The following POC1B variants were observed in gnomAD, a reference collection of about 807,000 sequenced individuals.
The protein encoded by POC1B is POC1 centriolar protein B, also known as POC1 centriolar protein homolog B.
POC1B carries 44 observed loss-of-function variants against 60.6 expected under a neutral mutation model. The ratio of observed to expected loss-of-function variants is 0.73; its 90% confidence interval spans 0.57 to 0.93. The LOEUF is 0.93. Ranked by LOEUF, POC1B falls within the 40% of genes least tolerant of loss-of-function variation. The pLI is 0.00. For synonymous variants in POC1B, 180 were observed against 198.9 expected (o/e 0.90, Z 0.80); for missense variants, 555 against 572.3 (o/e 0.97, Z 0.31).
chr12:89,418,382 C>G (rs1301919542), downstream of POC1B, among the ~76,000 whole-genome samples: 2 of 152,142 alleles, frequency 1.3e-5, no homozygotes, highest in African/African-American at 4.8e-5. Context: ...GCCTTTTACT[C>G]TGGAATGGGA....
chr12:89,462,432 C>T (rs1164528955), intron 9 of POC1B, among the ~76,000 whole-genome samples: 1 of 152,026 alleles, frequency 6.6e-6, no homozygotes, highest in African/African-American at 2.4e-5. Context: ...CCTGTATGAC[C>T]TCAAAGGTAC....
At chr12:89,471,942 A>G (rs1209204271) in intron 5 of POC1B, among the ~76,000 whole-genome samples, 1 of 151,800 alleles carries the variant, frequency 6.6e-6, no homozygotes, top group Non-Finnish European at 1.5e-5. Context: ...TAATTTTTGT[A>G]TTTTTAGTGG....
intron 2 of POC1B, among the ~76,000 whole-genome samples, chr12:89,503,133 C>T (rs1214760579): frequency 6.7e-6 from 1 of 149,312 alleles, no homozygotes; most frequent in African/African-American, 2.4e-5. Context: ...TCTCCCTCTC[C>T]CTCTCTTTCC....
chr12:89,402,396 CA>C, the POC1B span, among the ~76,000 whole-genome samples: 2 of 151,490 alleles, frequency 1.3e-5, no homozygotes. Context: ...TTTTTAGGTT[CA>C]GGGGTACATG....
Position 89,474,211 on chromosome 12 carries a change from GA to G in POC1B, c.453-1937del, listed in dbSNP as rs796375407. ...ACAGAGTAAGACTCTGTCTCAAAAG[GA>G]AAAAAAAAAAACCTGTAAAAAACTA... On this transcript the variant is annotated intron_variant, in intron 4 of 11. Coordinates refer to ENST00000313546, the MANE Select transcript of POC1B (RefSeq NM_172240.3). 2.0e-3 allele frequency among the ~76,000 whole-genome samples: 280 copies of G among 138,936 alleles called. 1 individual carries two copies. Among genetic ancestry groups the G allele is most frequent in the African/African-American group, 5.7e-3 (216 of 38,156 alleles). 91.1% of individuals were successfully genotyped at this position (138,936 alleles called of 152,430 possible).
chr12:89,464,483 G>GTTTTTTTTTTT (rs766668019), intron 9 of POC1B, among the ~76,000 whole-genome samples: 7 of 94,722 alleles, frequency 7.4e-5, no homozygotes, highest in Non-Finnish European at 9.6e-5. Context: ...TTTTATAAGA[G>GTTTTTTTTTTT]TTTTTTTTTT....
At chr12:89,417,012 A>T (rs1044757047), downstream of POC1B, among the ~76,000 whole-genome samples, 9 of 152,232 alleles carry the variant, frequency 5.9e-5, no homozygotes, top group African/African-American at 2.2e-4. Context: ...AGTAGTTTTT[A>T]AGTATATTCC....
intron 2 of POC1B, chr12:89,521,875 G>A (rs1265776116): frequency 2.5e-6 from 1 of 397,722 alleles, no homozygotes; most frequent in Non-Finnish European, 4.4e-6. Context: ...AGCCTTGGTA[G>A]AACCTAGCCC....
chr12:89,430,787 T>C (rs1220363581), intron 10 of POC1B, among the ~76,000 whole-genome samples: 1 of 152,172 alleles, frequency 6.6e-6, no homozygotes, highest in Non-Finnish European at 1.5e-5. Flanking sequence ...CTCAGGTGCT[T>C]GGCATAGCAC....
intron 4 of POC1B, among the ~76,000 whole-genome samples, chr12:89,491,265 G>A (rs1868952747): frequency 6.6e-6 from 1 of 152,064 alleles, no homozygotes; most frequent in South Asian, 2.1e-4. Context: ...CTGTCCAAAG[G>A]TCACCCTTTG....
rs57824795 is a variant in POC1B, at chr12:89,509,224, T to C, written c.101-11882A>G. On this transcript the variant is annotated intron_variant, in intron 2 of 11. Coordinates refer to ENST00000313546, the MANE Select transcript of POC1B (RefSeq NM_172240.3). ...ACTTATTTTTATCAGTGTGAATGCA[T>C]AGATTATTTAATTCAACAGGTTATA... 6.8e-3 allele frequency among the ~76,000 whole-genome samples: 1,030 copies of C among 152,340 alleles called. 12 individuals carry two copies. Among genetic ancestry groups the C allele is most frequent in the African/African-American group, 0.024 (992 of 41,570 alleles).
intron 4 of POC1B, among the ~76,000 whole-genome samples, chr12:89,480,490 G>A (rs531533480): frequency 7.3e-5 from 11 of 150,528 alleles, no homozygotes; most frequent in Middle Eastern, 3.5e-3. Context: ...GCATGATCTC[G>A]GCTCACTGCA....
At position 89,421,329 on chromosome 12, in the gene POC1B, T is replaced by G. The variant is rs1318104672; in HGVS notation, c.1333-72A>C. 3.1e-6 allele frequency: 4 copies of G among 1,270,802 alleles called. No individual in the cohort carries two copies. The African/African-American group carries it at 4.4e-5, about 14-fold the overall frequency. 78.7% of individuals were successfully genotyped at this position (1,270,802 alleles called of 1,614,324 possible). On this transcript the variant is annotated intron_variant, in intron 11 of 11. Coordinates refer to ENST00000313546, the MANE Select transcript of POC1B (RefSeq NM_172240.3). ...GAGGATGACAATGACAATCTCTGCA[T>G]AGGAAATCCTTTTAAGAACTGGGAT...
rs143553854 is a variant in POC1B at position 89,510,183 on chromosome 12, A to T, written c.101-12841T>A. Among the ~76,000 whole-genome samples, 419 of 152,194 alleles carry T rather than the reference A, an allele frequency of 2.8e-3. 2 individuals carry two copies. Among genetic ancestry groups the T allele is most frequent in the African/African-American group, 8.4e-3 (347 of 41,522 alleles). Reference sequence around the variant, plus strand: ...TTTTTAACTGGGAGGCAATTAAATTATAGGTGGCTCCTTTTTGTTCTTGTA... The same window carrying T: ...TTTTTAACTGGGAGGCAATTAAATTTTAGGTGGCTCCTTTTTGTTCTTGTA... On this transcript the variant is annotated intron_variant, in intron 2 of 11. Coordinates refer to ENST00000313546, the MANE Select transcript of POC1B (RefSeq NM_172240.3).
rs1350071929 is a variant in POC1B at position 89,472,210 on chromosome 12, G to T, written c.518C>A (p.Thr173Asn). The T allele has an allele frequency of 1.9e-6, 3 of 1,606,676 alleles. No individual in the cohort carries two copies. In the South Asian group the frequency reaches 3.3e-5, roughly 18 times the overall value. ...SEDKTIKIWD[T>N]TNKQCVNNFS... Reference sequence around the variant, plus strand: ...GTTATTAACACATTGCTTATTTGTGGTATCCCAAATTTTAATAGTTTTATC... The same window carrying T: ...GTTATTAACACATTGCTTATTTGTGTTATCCCAAATTTTAATAGTTTTATC... The change falls in exon 5 of 12, where the codon ACC (threonine) becomes AAC (asparagine). Residue 173 changes from threonine to asparagine, a missense_variant. Transcript: ENST00000313546.
intron 10 of POC1B, among the ~76,000 whole-genome samples, chr12:89,446,638 T>G (rs372298250): frequency 9.2e-5 from 14 of 151,680 alleles, no homozygotes; most frequent in African/African-American, 3.4e-4. Context: ...CATTAGGAGA[T>G]ATACCTAATG....
chr12:89,508,753 A>ACAT (rs1420086827), intron 2 of POC1B, among the ~76,000 whole-genome samples: 5 of 152,174 alleles, frequency 3.3e-5, no homozygotes, highest in Admixed American at 1.3e-4. Flanking sequence ...TTCTCATGAT[A>ACAT]GTGAGTGATT....
At chr12:89,521,704 A>C (rs1425934394) in intron 2 of POC1B, 2 of 274,602 alleles carry the variant, frequency 7.3e-6, no homozygotes, top group African/African-American at 4.3e-5. Context: ...TCATTCATTC[A>C]GTCATTCATT....
intron 10 of POC1B, among the ~76,000 whole-genome samples, chr12:89,442,787 C>T (rs1431257761): frequency 6.6e-6 from 1 of 152,056 alleles, no homozygotes; most frequent in Admixed American, 6.6e-5. Context: ...CTAAATGCTC[C>T]AATTAAAAGA....
Sources: allele counts gnomAD v4.1 joint callset (sites outside exome capture counted in the v4.1 genomes callset), GRCh38; gene constraint gnomAD v4.1.1; transcripts MANE v1.5; gene names NCBI Gene and HGNC (gene_info 2026-07-23, HGNC 2026-07-21).